Variants in ARHGAP32 observed in about 807,000 individuals in gnomAD.
The protein encoded by ARHGAP32 is Rho GTPase activating protein 32, also known as rho GTPase-activating protein 32.
Under a neutral mutation model 186.5 loss-of-function variants are expected in ARHGAP32, and 51 were observed. That is an observed-to-expected ratio of 0.27 (90% CI 0.22 to 0.35). The LOEUF (loss-of-function observed/expected upper bound fraction) is 0.35, where lower values mean the gene tolerates loss of function less well. Ranked by LOEUF, ARHGAP32 falls within the 10% of genes least tolerant of loss-of-function variation. The pLI, the probability that ARHGAP32 is intolerant of heterozygous loss-of-function variation, is 1.00. For missense variants in ARHGAP32, 2,186 were observed against 2,623.5 expected, an observed-to-expected ratio of 0.83 and a Z score of 3.64; for synonymous variants, 950 against 964.3, an observed-to-expected ratio of 0.99 and a Z score of 0.27.
At chr11:129,263,830 G>A (rs995732690) in intron 1 of ARHGAP32, among the ~76,000 whole-genome samples, 1 of 152,120 alleles carries the variant, frequency 6.6e-6, no homozygotes, top group Admixed American at 6.5e-5. Context: ...GGGTATGGCT[G>A]TTTCTCAGAA....
At chr11:129,079,654 T>C (rs896800821) in intron 6 of ARHGAP32, among the ~76,000 whole-genome samples, 1 of 152,132 alleles carries the variant, frequency 6.6e-6, no homozygotes, top group Non-Finnish European at 1.5e-5. Flanking sequence ...CCTTAAAGCA[T>C]AAATCTCACA....
chr11:129,266,106 A>G (rs528300671), intron 1 of ARHGAP32, among the ~76,000 whole-genome samples: 11 of 152,330 alleles, frequency 7.2e-5, no homozygotes, highest in South Asian at 4.1e-4. Flanking sequence ...CCCTAGATGA[A>G]TAAGAGTGAC....
chr11:129,170,842 A>T (rs907194101), intron 1 of ARHGAP32, among the ~76,000 whole-genome samples: 2 of 152,086 alleles, frequency 1.3e-5, no homozygotes, highest in Admixed American at 6.6e-5. Context: ...TTGTTTCCTG[A>T]CTTTTTAATA....
chr11:129,193,732 A>T (rs186005314), upstream of ARHGAP32, among the ~76,000 whole-genome samples: 468 of 79,790 alleles, frequency 5.9e-3, 9 homozygotes, highest in African/African-American at 0.015. Flanking sequence ...TATTATATAT[A>T]ATATATATTA....
At chr11:129,226,670 G>C (rs1219055303) in intron 1 of ARHGAP32, among the ~76,000 whole-genome samples, 2 of 152,092 alleles carry the variant, frequency 1.3e-5, no homozygotes, top group African/African-American at 4.8e-5. Context: ...TACGTTAAAT[G>C]TACATGGATA....
chr11:129,226,117 C>G (rs531629475), intron 1 of ARHGAP32, among the ~76,000 whole-genome samples: 1 of 152,012 alleles, frequency 6.6e-6, no homozygotes, highest in Non-Finnish European at 1.5e-5. Context: ...AGAAAGAAAA[C>G]AAAATGAAGA....
intron 11 of ARHGAP32, among the ~76,000 whole-genome samples, chr11:129,005,783 A>G (rs1454040100): frequency 2.0e-5 from 3 of 152,172 alleles, no homozygotes; most frequent in East Asian, 1.9e-4. Context: ...TTGGATAGCG[A>G]TATCTTTCAT....
chr11:129,120,432 G>A (rs114404512), intron 5 of ARHGAP32, among the ~76,000 whole-genome samples: 1,725 of 152,164 alleles, frequency 0.011, 35 homozygotes, highest in African/African-American at 0.04. Flanking sequence ...ATTCAAAGAA[G>A]AGATCATAAA....
At chr11:129,020,555 A>T (rs1037748771) in intron 11 of ARHGAP32, among the ~76,000 whole-genome samples, 1 of 152,110 alleles carries the variant, frequency 6.6e-6, no homozygotes, top group African/African-American at 2.4e-5. Context: ...CACATACTTT[A>T]TAAAAATTAT....
At chr11:129,278,820 T>C (rs1312230815) in intron 1 of ARHGAP32, among the ~76,000 whole-genome samples, 7 of 149,522 alleles carry the variant, frequency 4.7e-5, no homozygotes, top group Non-Finnish European at 8.9e-5. Flanking sequence ...CTCCCAGGAG[T>C]CGCGGCTGCC....
chr11:129,071,749 A>C (rs541002076), intron 6 of ARHGAP32, among the ~76,000 whole-genome samples: 2 of 152,312 alleles, frequency 1.3e-5, no homozygotes, highest in African/African-American at 4.8e-5. Flanking sequence ...TATATCAAGA[A>C]GATATCTGCT....
At chr11:129,033,478 G>A (rs553211801) in intron 11 of ARHGAP32, among the ~76,000 whole-genome samples, 1 of 152,190 alleles carries the variant, frequency 6.6e-6, no homozygotes, top group African/African-American at 2.4e-5. Context: ...ATAAGGCTTC[G>A]ATCTGCATTT....
intron 1 of ARHGAP32, among the ~76,000 whole-genome samples, chr11:129,251,758 T>C (rs1242057375): frequency 7.9e-6 from 1 of 126,422 alleles, no homozygotes; most frequent in Non-Finnish European, 1.7e-5. Flanking sequence ...ACCCCGACTC[T>C]ATTAAAAATA....
At chr11:129,028,373 A>G (rs1026334497) in intron 11 of ARHGAP32, among the ~76,000 whole-genome samples, 2 of 152,242 alleles carry the variant, frequency 1.3e-5, no homozygotes, top group African/African-American at 4.8e-5. Flanking sequence ...GTAAGGAAAC[A>G]CGTTAGTGAA....
intron 6 of ARHGAP32, among the ~76,000 whole-genome samples, chr11:129,090,542 C>A (rs1941544628): frequency 2.0e-5 from 3 of 152,018 alleles, no homozygotes; most frequent in Non-Finnish European, 2.9e-5. Context: ...ACATTAAAAT[C>A]CTAAGTATTT....
At chr11:128,973,633 A>G (rs906092352) in intron 21 of ARHGAP32, 1 of 605,954 alleles carries the variant, frequency 1.7e-6, no homozygotes, top group Non-Finnish European at 2.9e-6. Context: ...CAAACAGTGT[A>G]TAAAGACTGC....
chr11:128,974,229 G>A lies in ARHGAP32; in HGVS notation c.2968C>T (p.Pro990Ser). 1.9e-6 allele frequency: 3 copies of A among 1,614,168 alleles called. No individual in the cohort carries two copies. Among genetic ancestry groups the A allele is most frequent in the East Asian group, 4.5e-5 (2 of 44,878 alleles). ...TCTTCAGCAGCCACCTGGTCCAGGG[G>A]CTGGACTTCAGATTCATATGCTTCT... is the stretch of plus-strand genomic sequence containing the variant. ...AQEAYESEVQ[P>S]LDQVAAEEVE... The change falls in exon 21 of 23, where the codon CCC becomes TCC. Residue 990 changes from proline (P) to serine (S), a missense_variant. Physicochemically the swap from Pro to Ser is moderately conservative, Grantham distance 74. Transcript: ENST00000682385.
chr11:128,973,004 G>T lies in ARHGAP32; in HGVS notation c.3502C>A (p.Gln1168Lys). 6.2e-7 allele frequency: 1 copy of T among 1,614,056 alleles called. No homozygotes were observed. ...TCTGGGTCCCCAGATAAATATGCTT[G>T]ATGTGGCTGATTCCCTGTTAAGTCT... ...QVDLTGNQPH[Q>K]AYLSGDPEKA... Residue 1168 changes from glutamine to lysine, a missense_variant, in exon 22 of 23, where the codon CAA (glutamine) becomes AAA (lysine). By Grantham distance (53) the Gln-to-Lys change is moderately conservative. Coordinates refer to ENST00000682385, the MANE Select transcript of ARHGAP32 (RefSeq NM_001378024.1).
Position 129,162,772 on chromosome 11 carries a change from T to C in ARHGAP32, c.225+1547A>G, listed in dbSNP as rs141713304. ...CAATTACAAGAGAAAACATAGCTTA[T>C]ATATAAGAAACACTGACGATAAAGT... On this transcript the variant is annotated intron_variant, in intron 2 of 22. Transcript: ENST00000682385. Among the ~76,000 whole-genome samples the C allele has an allele frequency of 1.8e-3, 279 of 152,278 alleles. 3 individuals carry two copies. The highest frequency in any genetic ancestry group is 6.4e-3 in the African/African-American group (267 of 41,566).
Sources: allele counts gnomAD v4.1 joint callset (sites outside exome capture counted in the v4.1 genomes callset), GRCh38; gene constraint gnomAD v4.1.1; transcripts MANE v1.5; gene names NCBI Gene and HGNC (gene_info 2026-07-23, HGNC 2026-07-21).